WDR43: variants seen among roughly 807,000 people sequenced by gnomAD.
WDR43 encodes WD repeat-containing protein 43.
A neutral mutation model predicts 91.4 loss-of-function variants in WDR43; 13 were observed. The ratio of observed to expected loss-of-function variants is 0.14; its 90% CI spans 0.09 to 0.23. The LOEUF (loss-of-function observed/expected upper bound fraction) is 0.23. Among genes scored for constraint, WDR43 ranks in the 10% least tolerant of loss-of-function variants. The probability of loss-of-function intolerance (pLI) is 1.00; values close to 1 mark genes in which losing one functional copy is unlikely to be tolerated. For synonymous variants in WDR43, 331 were observed against 287.9 expected (o/e 1.15, Z -1.51); for missense variants, 780 against 809.4 (o/e 0.96, Z 0.44).
At chr2:28,939,968 G>A (rs978983159) in intron 14 of WDR43, among the ~76,000 whole-genome samples, 4 of 151,964 alleles carry the variant, frequency 2.6e-5, no homozygotes, top group Admixed American at 6.6e-5. Context: ...TTAGCCGAGC[G>A]TGATGGCAGG....
At chr2:28,902,830 T>C (rs991260486) in intron 2 of WDR43, among the ~76,000 whole-genome samples, 1 of 152,200 alleles carries the variant, frequency 6.6e-6, no homozygotes, top group Non-Finnish European at 1.5e-5. Flanking sequence ...AAAGGATGGT[T>C]TGGCATTGGA....
intron 1 of WDR43, among the ~76,000 whole-genome samples, chr2:28,899,407 A>G (rs1349935524): frequency 1.3e-5 from 2 of 152,192 alleles, no homozygotes; most frequent in Admixed American, 6.5e-5. Flanking sequence ...TTTTTAACCA[A>G]TGAAAATTGA....
chr2:28,913,653 C>G, intron 4 of WDR43: 1 of 520,574 alleles, frequency 1.9e-6, no homozygotes, highest in Non-Finnish European at 3.8e-6. Context: ...TCAGGGCTTA[C>G]GGAATATTTG....
At chr2:28,897,802 G>A (rs1277376887) in intron 1 of WDR43, among the ~76,000 whole-genome samples, 1 of 152,184 alleles carries the variant, frequency 6.6e-6, no homozygotes, top group Non-Finnish European at 1.5e-5. Flanking sequence ...GTCACCTCTT[G>A]TTGGTCACAG....
chr2:28,911,976 G>A (rs1288804443), intron 3 of WDR43, among the ~76,000 whole-genome samples: 2 of 152,174 alleles, frequency 1.3e-5, no homozygotes, highest in African/African-American at 4.8e-5. Flanking sequence ...GCCTATGACA[G>A]CATTAATATG....
chr2:28,933,822 AAGAC>A (rs1026245809), intron 11 of WDR43, among the ~76,000 whole-genome samples: 45 of 152,374 alleles, frequency 3.0e-4, no homozygotes, highest in African/African-American at 9.4e-4. Context: ...AAAAATGCGA[AAGAC>A]AGACAATAAT....
intron 11 of WDR43, among the ~76,000 whole-genome samples, chr2:28,935,109 C>T (rs1163301873): frequency 1.3e-5 from 2 of 152,096 alleles, no homozygotes; most frequent in Admixed American, 6.6e-5. Context: ...AAAATTTTGA[C>T]ACCTACTTTA....
intron 11 of WDR43, among the ~76,000 whole-genome samples, chr2:28,934,738 T>G (rs1296031286): frequency 6.6e-6 from 1 of 152,176 alleles, no homozygotes; most frequent in African/African-American, 2.4e-5. Context: ...CATTAATAGG[T>G]TGGAAACTAA....
At chr2:28,922,816 T>TTTGG in intron 6 of WDR43, 103 bp from the exon 7 acceptor site, 18 of 447,218 alleles carry the variant, frequency 4.0e-5, no homozygotes, top group Non-Finnish European at 6.0e-5. Flanking sequence ...TTTTTTTTTC[T>TTTGG]GGTTGTGTAA....
At chr2:28,932,965 A>G (rs1400091347) in intron 11 of WDR43, among the ~76,000 whole-genome samples, 2 of 152,236 alleles carry the variant, frequency 1.3e-5, no homozygotes. Context: ...TGAAAATTAT[A>G]ACAGTTGAGA....
intron 14 of WDR43, among the ~76,000 whole-genome samples, chr2:28,939,358 C>A (rs1426423052): frequency 6.6e-6 from 1 of 152,134 alleles, no homozygotes; most frequent in Non-Finnish European, 1.5e-5. Flanking sequence ...TGAGGAGAGA[C>A]CCGGGAGATC....
At chr2:28,945,900 A>T (rs1379480147) in intron 16 of WDR43, among the ~76,000 whole-genome samples, 2 of 151,994 alleles carry the variant, frequency 1.3e-5, no homozygotes, top group African/African-American at 4.8e-5. Flanking sequence ...TCTGTGTTGA[A>T]TTTTTCCTCA....
intron 5 of WDR43, among the ~76,000 whole-genome samples, chr2:28,917,133 T>A (rs1670927378): frequency 2.0e-5 from 3 of 152,134 alleles, no homozygotes. Flanking sequence ...GAACTACTTG[T>A]TGATAGTATG....
intron 14 of WDR43, among the ~76,000 whole-genome samples, chr2:28,939,983 T>A (rs764927673): frequency 6.6e-6 from 1 of 151,796 alleles, no homozygotes; most frequent in Non-Finnish European, 1.5e-5. Context: ...GGCAGGTGCC[T>A]GTAGTCCCAG....
intron 11 of WDR43, among the ~76,000 whole-genome samples, chr2:28,931,077 CT>C (rs777986889): frequency 1.7e-3 from 240 of 137,730 alleles, no homozygotes; most frequent in Admixed American, 2.1e-3. Flanking sequence ...TTTATTTCTG[CT>C]TTTTTTTTTT....
chr2:28,933,358 T>A (rs1238664557), intron 11 of WDR43, among the ~76,000 whole-genome samples: 1 of 152,198 alleles, frequency 6.6e-6, no homozygotes, highest in African/African-American at 2.4e-5. Flanking sequence ...ATCTCAGTTT[T>A]ATCTCACCTT....
intron 1 of WDR43, among the ~76,000 whole-genome samples, chr2:28,900,297 C>CT (rs988027422): frequency 6.6e-6 from 1 of 152,136 alleles, no homozygotes; most frequent in Non-Finnish European, 1.5e-5. Flanking sequence ...AAGCAATTCT[C>CT]TGCCACCTGA....
chr2:28,917,065 G>C (rs555249233), intron 5 of WDR43, among the ~76,000 whole-genome samples: 8 of 152,110 alleles, frequency 5.3e-5, no homozygotes, highest in South Asian at 2.1e-4. Context: ...CTTGGGGGCC[G>C]TTGTAATTAG....
chr2:28,932,127 C>G (rs971181611), intron 11 of WDR43, among the ~76,000 whole-genome samples: 9 of 152,272 alleles, frequency 5.9e-5, no homozygotes, highest in South Asian at 2.1e-4. Flanking sequence ...ATCCTCCTGC[C>G]TCAGCCTCAC....
Sources: gnomAD v4.1 joint callset for allele counts (sites outside exome capture counted in the v4.1 genomes callset) on GRCh38, gnomAD v4.1.1 for gene constraint, MANE v1.5 for transcripts, NCBI Gene and HGNC (gene_info 2026-07-23, HGNC 2026-07-21) for gene names.